The following NEB variants were observed in gnomAD, a reference collection of about 807,000 sequenced individuals.
NEB encodes nemaline myopathy type 2.
A neutral mutation model predicts 952.2 loss-of-function variants in NEB; 512 were observed. The ratio of observed to expected loss-of-function variants is 0.54; its 90% confidence interval spans 0.50 to 0.58. NEB has a LOEUF of 0.58. NEB is among the 20% of genes least tolerant of loss of function. NEB has a pLI of 0.00. For synonymous variants in NEB, 2,900 were observed against 3,149.8 expected (o/e 0.92, Z 2.66); for missense variants, 8,428 against 9,231.1 (o/e 0.91, Z 3.56).
chr2:151,579,424 A>G lies in NEB; in HGVS notation c.16618T>C (p.Tyr5540His), dbSNP rs2097051370. The stretch of plus-strand genomic sequence containing the variant: ...GACCAGCGGTGCAGGTAATGGCGAT[A>G]GTCCACATCACTTGCCAGTGCCTGA... ...EGQALASDVD[Y>H]RHYLHRWSCF... The change falls in exon 105 of 182, where the codon TAT (tyrosine) becomes CAT (histidine). Residue 5540 changes from tyrosine (Y) to histidine (H), a missense_variant. By Grantham distance (83) the Tyr-to-His change is moderately conservative. Transcript: ENST00000397345. 1 of 1,531,042 alleles carries G rather than the reference A, an allele frequency of 6.5e-7. No homozygotes were observed. Among genetic ancestry groups the G allele is most frequent in the Non-Finnish European group, 8.8e-7 (1 of 1,133,790 alleles). The allele number at this position is 1,531,042 out of a possible 1,614,324, so 94.8% of individuals were successfully genotyped here.
chr2:151,566,203 G>A (rs913803230), intron 114 of NEB, among the ~76,000 whole-genome samples: 8 of 152,152 alleles, frequency 5.3e-5, no homozygotes, highest in South Asian at 2.1e-4. Context: ...ATTTAGTCAC[G>A]TAGAAGTATG....
chr2:151,525,079 C>T (rs1576237230), intron 151 of NEB, 84 bp downstream of exon 151: 2 of 993,338 alleles, frequency 2.0e-6, no homozygotes, highest in African/African-American at 3.2e-5. Flanking sequence ...ATTAGAGTGA[C>T]CACACACTGG....
In NEB at chr2:151,537,202, C is replaced by T. The variant is rs1483780959; in HGVS notation, c.21137G>A (p.Gly7046Asp). ...GGTATCATAGGCATAGCAACCAATG[C>T]CTTTAAGCCAAGTCAAGTCTTCTTT... The part of the protein sequence containing the change: ...KYKEDLTWLK[G>D]IGCYAYDTPD... The change falls in exon 141 of 182, where the codon GGC becomes GAC. Residue 7046 changes from glycine to aspartate, a missense_variant. By Grantham distance (94) the Gly-to-Asp change is moderately conservative (BLOSUM62 -1). Transcript: ENST00000397345. 1 of 1,612,846 alleles carries T rather than the reference C, an allele frequency of 6.2e-7. No individual in the cohort carries two copies. Among genetic ancestry groups the T allele is most frequent in the African/African-American group, 1.3e-5 (1 of 74,812 alleles).
At chr2:151,615,753 C>A in intron 76 of NEB, 3 of 346,378 alleles carry the variant, frequency 8.7e-6, no homozygotes, top group Non-Finnish European at 1.5e-5. Flanking sequence ...AAAATATGAA[C>A]CCATTTTTGG....
At position 151,643,217 on chromosome 2, in the gene NEB, T is replaced by A; in HGVS notation, c.8093A>T (p.Lys2698Met). The A allele has an allele frequency of 6.2e-7, 1 of 1,613,986 alleles. No homozygotes were observed. The highest frequency in any genetic ancestry group is 8.5e-7 in the Non-Finnish European group (1 of 1,179,860). ...HVYRQHPDQF[K>M]FSSLMDSIPM... ...TATGGAATCCATAAGGCTGGAAAAC[T>A]TAAATTGATCTGGGTGCTGACGGTA... The change falls in exon 58 of 182, where the codon AAG becomes ATG. Residue 2698 changes from lysine (K) to methionine (M), a missense_variant. Lys to Met is a moderately conservative substitution (Grantham distance 95, BLOSUM62 -1). Coordinates refer to ENST00000397345, the MANE Select transcript of NEB (RefSeq NM_001164508.2).
chr2:151,559,166 T>C (rs1379929318), intron 124 of NEB, among the ~76,000 whole-genome samples: 4 of 152,246 alleles, frequency 2.6e-5, no homozygotes, highest in Non-Finnish European at 5.9e-5. Context: ...AAGACATTTA[T>C]GCGGCCAACA....
At chr2:151,688,536 G>C in intron 24 of NEB, 140 bp from the exon 25 acceptor site, 3 of 681,192 alleles carry the variant, frequency 4.4e-6, no homozygotes, top group Non-Finnish European at 5.2e-6. Context: ...TCTCGCACAG[G>C]ATTCAAACTT....
At position 151,515,769 on chromosome 2, in the gene NEB, A is replaced by G. The variant is rs370366011; in HGVS notation, c.22905+690T>C. 5.9e-5 allele frequency among the ~76,000 whole-genome samples: 9 copies of G among 152,294 alleles called. No individual in the cohort carries two copies. The East Asian group carries it at 9.6e-4, about 16-fold the overall frequency. On this transcript the variant is annotated intron_variant, in intron 157 of 181. Coordinates refer to ENST00000397345, the MANE Select transcript of NEB (RefSeq NM_001164508.2). ...ATAGATCCTTTACTCAGATTGACCA[A>G]TTGTTTGAAGCCATTTTAAAGTTTT... is the stretch of plus-strand genomic sequence containing the variant.
chr2:151,640,026 C>T lies in NEB; in HGVS notation c.8720G>A (p.Gly2907Asp). ...AGAGCCAATGGACACCCAGCCAATG[C>T]CTCTCATCCACTGGAGATCAGACTT... Reference protein sequence around the residue: ...MYKSDLQWMRGIGWVSIGSLD... With the variant: ...MYKSDLQWMRDIGWVSIGSLD... The change falls in exon 62 of 182, where the codon GGC (glycine) becomes GAC (aspartate). Residue 2907 changes from glycine to aspartate, a missense_variant. Gly to Asp is a moderately conservative substitution (Grantham distance 94). This residue lies in a region of NEB where 1,772 missense variants were observed against 1,960.3 expected (regional missense o/e 0.90). Coordinates refer to ENST00000397345, the MANE Select transcript of NEB (RefSeq NM_001164508.2). 3.1e-6 allele frequency: 5 copies of T among 1,613,928 alleles called. No homozygotes were observed. The highest frequency in any genetic ancestry group is 4.2e-6 in the Non-Finnish European group (5 of 1,179,820).
intron 4 of NEB, 110 bp from the exon 5 acceptor site, chr2:151,728,016 C>T (rs2099796184): frequency 1.2e-6 from 1 of 822,154 alleles, no homozygotes. Flanking sequence ...CCTGGTGTTA[C>T]TTCTCCATAT....
chr2:151,620,720 G>A (rs562682807), intron 72 of NEB, among the ~76,000 whole-genome samples, 199 bp downstream of exon 72: 1 of 152,068 alleles, frequency 6.6e-6, no homozygotes, highest in Non-Finnish European at 1.5e-5. Context: ...AAAATAAGGA[G>A]TCAAATGAGC....
intron 105 of NEB, among the ~76,000 whole-genome samples, chr2:151,577,030 T>A (rs1209446459): frequency 6.6e-6 from 1 of 152,152 alleles, no homozygotes; most frequent in Non-Finnish European, 1.5e-5. Context: ...ATGGAAGACT[T>A]CTGAATAATA....
In NEB at chr2:151,655,864, A is replaced by C; in HGVS notation, c.6655T>G (p.Ser2219Ala). The change falls in exon 50 of 182, where the codon TCC (serine) becomes GCC (alanine). Residue 2219 changes from serine to alanine, a missense_variant. By Grantham distance (99) the Ser-to-Ala change is moderately conservative. Coordinates refer to ENST00000397345, the MANE Select transcript of NEB (RefSeq NM_001164508.2). ...SNFQFKKLTD[S>A]MDMVLAKQNA... Reference sequence around the variant, plus strand: ...TGCTTGGCAAGCACCATGTCCATGGAATCAGTCAGCTTCTTAAACTGGAAG... The same window carrying C: ...TGCTTGGCAAGCACCATGTCCATGGCATCAGTCAGCTTCTTAAACTGGAAG... The C allele has an allele frequency of 6.2e-7, 1 of 1,613,758 alleles. No homozygotes were observed. The highest frequency in any genetic ancestry group is 8.5e-7 in the Non-Finnish European group (1 of 1,179,776).
chr2:151,678,220 TGTAG>T (rs774851065), intron 32 of NEB, 33 bp from the exon 33 acceptor site: 1 of 1,451,910 alleles, frequency 6.9e-7, no homozygotes, highest in South Asian at 1.4e-5. Context: ...TAATTTAAAA[TGTAG>T]TTTTGAGGGC....
In NEB at chr2:151,671,153, T is replaced by A. The variant is rs975412307; in HGVS notation, c.4376A>T (p.Lys1459Met). The change falls in exon 38 of 182, where the codon AAG becomes ATG. Residue 1459 changes from lysine to methionine, a missense_variant. Lys to Met is a moderately conservative substitution (Grantham distance 95, BLOSUM62 -1). This residue lies in a region of NEB where 2,851 missense variants were observed against 2,791.5 expected (regional missense o/e 1.02). Coordinates refer to ENST00000397345, the MANE Select transcript of NEB (RefSeq NM_001164508.2). ...WIPIGSLEVE[K>M]VKKAGDALNE... ...TAATGCATCGCCTGCTTTCTTGACC[T>A]TCTCCACCTCCAGGGAACCAATAGG... 4 of 1,613,866 alleles carry A rather than the reference T, an allele frequency of 2.5e-6. No homozygotes were observed. Among genetic ancestry groups the A allele is most frequent in the Admixed American group, 1.7e-5 (1 of 60,000 alleles).
Position 151,675,360 on chromosome 2 carries a change from T to A in NEB, c.3806A>T (p.Lys1269Ile). The A allele has an allele frequency of 1.3e-6, 2 of 1,586,770 alleles. No homozygotes were observed. The highest frequency in any genetic ancestry group is 1.7e-6 in the Non-Finnish European group (2 of 1,164,170). Residue 1269 changes from lysine to isoleucine, a missense_variant, in exon 35 of 182, where the codon AAA becomes ATA. By Grantham distance (102) the Lys-to-Ile change is moderately radical. Transcript: ENST00000397345. The stretch of plus-strand genomic sequence containing the variant: ...ATCAGGACTCATGGTGTATTTATGT[T>A]TCACATCTTCTCCTTTAGCCTTGTA... ...ILYKAKGEDV[K>I]HKYTMSPDLP...
intron 76 of NEB, among the ~76,000 whole-genome samples, chr2:151,615,194 C>G (rs1420958120): frequency 6.6e-6 from 1 of 152,160 alleles, no homozygotes; most frequent in African/African-American, 2.4e-5. Flanking sequence ...AGCTTAACAG[C>G]AAGAAAAGTT....
At chr2:151,501,310 A>G (rs2064338640) in intron 168 of NEB, 81 bp downstream of exon 168, 1 of 927,330 alleles carries the variant, frequency 1.1e-6, no homozygotes, top group Admixed American at 2.3e-5. Context: ...TGATTATTAT[A>G]AAGGGATGAA....
rs982136677 is a variant in NEB, at chr2:151,553,631, G to A, written c.19627-129C>T. ...AGGAGCAAAGGCATTATGCAAAGAG[G>A]CTCAGGGGAGCCACAGAAACATGTG... On this transcript the variant is annotated intron_variant, in intron 126 of 181. Coordinates refer to ENST00000397345, the MANE Select transcript of NEB (RefSeq NM_001164508.2). 4.8e-6 allele frequency: 4 copies of A among 837,770 alleles called. No homozygotes were observed. In the Admixed American group the frequency reaches 8.2e-5, roughly 17 times the overall value. The allele number at this position is 837,770 out of a possible 1,614,324, so 51.9% of individuals were successfully genotyped here. A position where few individuals can be genotyped will look rare whatever the true frequency, so the allele number is the denominator to read the frequency against.
Sources: allele counts gnomAD v4.1 joint callset (sites outside exome capture counted in the v4.1 genomes callset), GRCh38; gene constraint gnomAD v4.1.1; regional missense constraint gnomAD v4.1.1; transcripts MANE v1.5; gene names NCBI Gene and HGNC (gene_info 2026-07-23, HGNC 2026-07-21).